LRP1B: variants seen among roughly 807,000 people sequenced by gnomAD.
LRP1B encodes the protein low-density lipoprotein receptor-related protein 1B.
LRP1B carries 217 observed loss-of-function variants against 556.6 expected under a neutral mutation model. That is an observed-to-expected ratio of 0.39 (90% CI 0.35 to 0.44). The LOEUF (loss-of-function observed/expected upper bound fraction) is 0.44, where lower values mean the gene tolerates loss of function less well. Among genes scored for constraint, LRP1B ranks in the 20% least tolerant of loss-of-function variants. The pLI, the probability that LRP1B is intolerant of heterozygous loss-of-function variation, is 1.00. For missense variants in LRP1B, 5,053 were observed against 5,620.8 expected (o/e 0.90, Z 3.23); for synonymous variants, 2,047 against 1,865.8 (o/e 1.10, Z -2.50).
At position 141,464,600 on chromosome 2, in the gene LRP1B, A is replaced by ATTTT. The variant is rs1168356384; in HGVS notation, c.343+15795_343+15796insAAAA. Among the ~76,000 whole-genome samples, 48 of 76,262 alleles carry ATTTT rather than the reference A, an allele frequency of 6.3e-4. 4 individuals carry two copies. Among genetic ancestry groups the ATTTT allele is most frequent in the East Asian group, 3.3e-3 (12 of 3,584 alleles). The allele number at this position is 76,262 out of a possible 152,430, so 50.0% of individuals were successfully genotyped here. ...GCTAATTTTGTATATATATATATAT[A>ATTTT]TATATATTTTTTTAGTAGAGATGGG... On this transcript the variant is annotated intron_variant, in intron 3 of 90. Coordinates refer to ENST00000389484, the MANE Select transcript of LRP1B (RefSeq NM_018557.3).
intron 2 of LRP1B, among the ~76,000 whole-genome samples, chr2:141,503,853 G>A (rs751216753): frequency 6.6e-6 from 1 of 152,096 alleles, no homozygotes; most frequent in Non-Finnish European, 1.5e-5. Context: ...TGAAAACTTT[G>A]AAAAGAGAAA....
At chr2:140,553,865 T>C (rs1271376406) in intron 43 of LRP1B, among the ~76,000 whole-genome samples, 1 of 151,976 alleles carries the variant, frequency 6.6e-6, no homozygotes, top group Non-Finnish European at 1.5e-5. Flanking sequence ...AAGAGGCAGA[T>C]CCTTCAGAGA....
At chr2:142,037,274 C>G (rs755492119) in intron 1 of LRP1B, among the ~76,000 whole-genome samples, 7 of 151,580 alleles carry the variant, frequency 4.6e-5, no homozygotes, top group Non-Finnish European at 8.9e-5. Flanking sequence ...GTAGTGGTTT[C>G]AGCCACTGTC....
chr2:141,735,163 TG>T lies in LRP1B; in HGVS notation c.205+75115del, dbSNP rs879551104. Among the ~76,000 whole-genome samples the T allele has an allele frequency of 6.3e-3, 952 of 151,912 alleles. 7 individuals carry two copies. The highest frequency in any genetic ancestry group is 9.3e-3 in the Non-Finnish European group (633 of 67,964). On this transcript the variant is annotated intron_variant, in intron 2 of 90. Coordinates refer to ENST00000389484, the MANE Select transcript of LRP1B (RefSeq NM_018557.3). ...TTTGTTTTTTGTTTGTTTGTTTGTT[TG>T]TTTGTTTGTTTGAAAATGATACATC...
At chr2:141,294,561 A>G (rs1013794530) in intron 3 of LRP1B, among the ~76,000 whole-genome samples, 3 of 149,154 alleles carry the variant, frequency 2.0e-5, no homozygotes, top group Non-Finnish European at 4.5e-5. Flanking sequence ...TGACTCTACA[A>G]AAAAAAAAAT....
At chr2:141,929,259 C>T (rs527951793) in intron 1 of LRP1B, among the ~76,000 whole-genome samples, 5 of 152,228 alleles carry the variant, frequency 3.3e-5, no homozygotes, top group South Asian at 4.1e-4. Flanking sequence ...CTAACGTACA[C>T]GACCATTCCT....
rs1275557332 is a variant in LRP1B, at chr2:142,130,675, T to C, written c.55A>G (p.Arg19Gly). 1.2e-6 allele frequency: 2 copies of C among 1,613,554 alleles called. No individual in the cohort carries two copies. The highest frequency in any genetic ancestry group is 1.7e-6 in the Non-Finnish European group (2 of 1,179,746). ...LTLSGLLPIA[R>G]VLTVGADRDQ... ...CGGTCGGCTCCCACGGTCAGCACCC[T>C]GGCAATCGGCAATAATCCCGAGAGA... Residue 19 changes from arginine to glycine, a missense_variant, in exon 1 of 91, where the codon AGG becomes GGG. By Grantham distance (125) the Arg-to-Gly change is moderately radical. Coordinates refer to ENST00000389484, the MANE Select transcript of LRP1B (RefSeq NM_018557.3).
chr2:141,049,414 T>G (rs1698972569), intron 10 of LRP1B, among the ~76,000 whole-genome samples, 192 bp from the exon 11 acceptor site: 1 of 152,106 alleles, frequency 6.6e-6, no homozygotes, highest in South Asian at 2.1e-4. Context: ...AAACAGAAAT[T>G]ACTTCCGCAA....
At chr2:141,981,707 C>T (rs901895060) in intron 1 of LRP1B, among the ~76,000 whole-genome samples, 5 of 152,092 alleles carry the variant, frequency 3.3e-5, no homozygotes, top group African/African-American at 1.2e-4. Flanking sequence ...GATTTAGTGC[C>T]AGAAGTGGCT....
At chr2:140,651,931 A>G (rs1684703606) in intron 41 of LRP1B, among the ~76,000 whole-genome samples, 1 of 152,206 alleles carries the variant, frequency 6.6e-6, no homozygotes, top group Non-Finnish European at 1.5e-5. Context: ...AGGGAAAATG[A>G]ACTTCATTCT....
intron 12 of LRP1B, among the ~76,000 whole-genome samples, chr2:141,017,980 AAC>A: frequency 6.6e-6 from 1 of 151,640 alleles, no homozygotes; most frequent in South Asian, 2.1e-4. Context: ...CAGCCTGGGT[AAC>A]AGAGTAAGAT....
At chr2:140,769,813 T>A (rs184754115) in intron 34 of LRP1B, among the ~76,000 whole-genome samples, 1 of 114,108 alleles carries the variant, frequency 8.8e-6, no homozygotes, top group East Asian at 2.9e-4. Context: ...TCACTGATAC[T>A]TTTAATAGAC....
intron 41 of LRP1B, among the ~76,000 whole-genome samples, chr2:140,624,487 T>G (rs142361274): frequency 1.3e-5 from 2 of 152,304 alleles, no homozygotes; most frequent in South Asian, 2.1e-4. Context: ...CTCTGCAAGC[T>G]TCTACCCCCA....
chr2:140,910,548 AC>A (rs1419368689), intron 21 of LRP1B, among the ~76,000 whole-genome samples: 2 of 151,898 alleles, frequency 1.3e-5, no homozygotes, highest in Non-Finnish European at 2.9e-5. Context: ...CCAGAAAAAA[AC>A]ATTTAATCAT....
At chr2:140,813,887 G>GAAA in intron 31 of LRP1B, 81 bp from the exon 32 acceptor site, 1 of 900,302 alleles carries the variant, frequency 1.1e-6, no homozygotes, top group Non-Finnish European at 1.7e-6. Flanking sequence ...GATTTGAGGG[G>GAAA]AAAAAAATAA....
At chr2:140,277,563 A>G (rs917759617) in intron 84 of LRP1B, among the ~76,000 whole-genome samples, 2 of 151,838 alleles carry the variant, frequency 1.3e-5, no homozygotes, top group Non-Finnish European at 1.5e-5. Flanking sequence ...GTCACGTGAC[A>G]TTGGAGTGTA....
intron 49 of LRP1B, among the ~76,000 whole-genome samples, chr2:140,518,105 C>T (rs1376549877): frequency 6.6e-6 from 1 of 152,048 alleles, no homozygotes; most frequent in Non-Finnish European, 1.5e-5. Context: ...GAAGTAAACC[C>T]TAGTGTATAT....
intron 7 of LRP1B, among the ~76,000 whole-genome samples, chr2:141,133,868 G>A (rs1198608362): frequency 1.3e-5 from 2 of 151,796 alleles, no homozygotes; most frequent in East Asian, 1.9e-4. Context: ...CTATCTCTCC[G>A]AAGGTCCAGA....
At chr2:141,395,842 G>A (rs1320688093) in intron 3 of LRP1B, among the ~76,000 whole-genome samples, 2 of 152,140 alleles carry the variant, frequency 1.3e-5, no homozygotes, top group African/African-American at 2.4e-5. Flanking sequence ...GAGAGATAAT[G>A]AGAAATAAAC....
Sources: allele counts gnomAD v4.1 joint callset (sites outside exome capture counted in the v4.1 genomes callset), GRCh38; gene constraint gnomAD v4.1.1; transcripts MANE v1.5; gene names NCBI Gene and HGNC (gene_info 2026-07-23, HGNC 2026-07-21).